TMEM232: variants seen among roughly 807,000 people sequenced by gnomAD.
The protein encoded by TMEM232 is transmembrane protein 232.
Under a neutral mutation model 78.8 loss-of-function variants are expected in TMEM232, and 80 were observed. The observed-to-expected ratio is 1.01, with a 90% CI of 0.85 to 1.22. The LOEUF (loss-of-function observed/expected upper bound fraction) is 1.22, where lower values mean the gene tolerates loss of function less well. TMEM232 is among the 50% of genes most tolerant of loss of function. TMEM232 has a pLI of 0.00. For missense variants in TMEM232, 881 were observed against 742.2 expected (o/e 1.19, Z -2.17); for synonymous variants, 297 against 254.3 (o/e 1.17, Z -1.60).
intron 2 of TMEM232, among the ~76,000 whole-genome samples, chr5:110,652,317 C>CACACACACACAT (rs1788455038): frequency 6.6e-6 from 1 of 152,064 alleles, no homozygotes; most frequent in Non-Finnish European, 1.5e-5. Context: ...CACACACACA[C>CACACACACACAT]ACACTATCCA....
intron 12 of TMEM232, among the ~76,000 whole-genome samples, chr5:110,451,495 T>A (rs1760275292): frequency 6.6e-6 from 1 of 152,108 alleles, no homozygotes; most frequent in African/African-American, 2.4e-5. Flanking sequence ...GTCCTGTGAG[T>A]CTTCCTATTT....
chr5:110,405,961 T>C (rs886652917), intron 2 of TMEM232, among the ~76,000 whole-genome samples: 1 of 151,740 alleles, frequency 6.6e-6, no homozygotes, highest in Non-Finnish European at 1.5e-5. Context: ...AAAACACACA[T>C]AGGCATGTTA....
intron 8 of TMEM232, among the ~76,000 whole-genome samples, chr5:110,613,891 T>A (rs1200310271): frequency 6.6e-6 from 1 of 152,052 alleles, no homozygotes; most frequent in Non-Finnish European, 1.5e-5. Flanking sequence ...GAAAAGTTGA[T>A]TTTAAAATAT....
intron 8 of TMEM232, among the ~76,000 whole-genome samples, chr5:110,613,216 C>T (rs1017358725): frequency 6.6e-6 from 1 of 152,144 alleles, no homozygotes; most frequent in Non-Finnish European, 1.5e-5. Context: ...GTTTTCCAAG[C>T]TCAGCTGAAA....
chr5:110,603,653 A>G (rs1781220688), intron 10 of TMEM232, among the ~76,000 whole-genome samples: 1 of 152,194 alleles, frequency 6.6e-6, no homozygotes. Flanking sequence ...AGAAATGAGT[A>G]CCTTCATTTA....
intron 12 of TMEM232, among the ~76,000 whole-genome samples, chr5:110,425,764 G>C (rs1337849756): frequency 6.6e-6 from 1 of 151,958 alleles, no homozygotes. Flanking sequence ...CTGGATGAAG[G>C]CTTCATGTTC....
intron 12 of TMEM232, among the ~76,000 whole-genome samples, chr5:110,441,667 C>T (rs565951152): frequency 6.6e-6 from 1 of 152,248 alleles, no homozygotes; most frequent in African/African-American, 2.4e-5. Context: ...TAATTCTTGG[C>T]TTTTATGCTG....
intron 12 of TMEM232, among the ~76,000 whole-genome samples, chr5:110,517,327 A>G (rs1768824232): frequency 6.6e-6 from 1 of 152,222 alleles, no homozygotes. Flanking sequence ...TAGACGGAGA[A>G]TCAAGCAAAA....
At chr5:110,614,927 T>G (rs538002475) in intron 8 of TMEM232, among the ~76,000 whole-genome samples, 71 of 152,096 alleles carry the variant, frequency 4.7e-4, no homozygotes, top group African/African-American at 1.4e-3. Context: ...TAAGTAAAAT[T>G]ATATTAAGTG....
chr5:110,624,724 AT>A (rs1284051437), intron 7 of TMEM232, among the ~76,000 whole-genome samples: 1 of 151,980 alleles, frequency 6.6e-6, no homozygotes, highest in African/African-American at 2.4e-5. Context: ...ATGTGTTGGA[AT>A]TTTTTTCTTA....
At chr5:110,547,244 GA>G (rs1278652164) in intron 11 of TMEM232, among the ~76,000 whole-genome samples, 1 of 152,046 alleles carries the variant, frequency 6.6e-6, no homozygotes, top group African/African-American at 2.4e-5. Context: ...ACTTCCTTAA[GA>G]AAGCAGCTTT....
At chr5:110,565,581 A>G (rs918717263) in intron 11 of TMEM232, among the ~76,000 whole-genome samples, 2 of 151,998 alleles carry the variant, frequency 1.3e-5, no homozygotes, top group African/African-American at 4.8e-5. Context: ...ACTTGTTCCA[A>G]GTCCCATCTG....
At chr5:110,488,814 C>T (rs1352502902) in intron 12 of TMEM232, among the ~76,000 whole-genome samples, 1 of 151,856 alleles carries the variant, frequency 6.6e-6, no homozygotes, top group African/African-American at 2.4e-5. Context: ...CCTTTAGCTA[C>T]ATTAACCTAG....
At chr5:110,506,581 T>C (rs1184503867) in intron 12 of TMEM232, among the ~76,000 whole-genome samples, 1 of 152,200 alleles carries the variant, frequency 6.6e-6, no homozygotes, top group Non-Finnish European at 1.5e-5. Context: ...TTTGGCTGTC[T>C]ACATCAATCA....
At chr5:110,554,479 G>C (rs1581193317) in intron 11 of TMEM232, among the ~76,000 whole-genome samples, 1 of 152,056 alleles carries the variant, frequency 6.6e-6, no homozygotes, top group South Asian at 2.1e-4. Flanking sequence ...TATTCCATTA[G>C]GTCTTTCCCT....
chr5:110,711,111 A>G (rs1288202471), intron 1 of TMEM232, among the ~76,000 whole-genome samples: 1 of 152,216 alleles, frequency 6.6e-6, no homozygotes, highest in Non-Finnish European at 1.5e-5. Flanking sequence ...GCATTTCAAT[A>G]TGCCAACAGT....
At chr5:110,591,139 G>A in intron 10 of TMEM232, among the ~76,000 whole-genome samples, 1 of 152,072 alleles carries the variant, frequency 6.6e-6, no homozygotes, top group East Asian at 1.9e-4. Flanking sequence ...TGTAATAAAG[G>A]CTTTATGTAA....
At chr5:110,457,777 T>C (rs1336809349) in intron 12 of TMEM232, among the ~76,000 whole-genome samples, 1 of 152,036 alleles carries the variant, frequency 6.6e-6, no homozygotes, top group Non-Finnish European at 1.5e-5. Flanking sequence ...TGCTATAAGA[T>C]AAAATGGAAT....
intron 12 of TMEM232, among the ~76,000 whole-genome samples, chr5:110,431,491 A>G (rs1438768296): frequency 1.3e-5 from 2 of 151,904 alleles, no homozygotes; most frequent in Non-Finnish European, 3.0e-5. Context: ...TCTGCTGTAC[A>G]TAGTATGAAC....
Sources: allele counts gnomAD v4.1 joint callset (sites outside exome capture counted in the v4.1 genomes callset), GRCh38; gene constraint gnomAD v4.1.1; transcripts MANE v1.5; gene names NCBI Gene and HGNC (gene_info 2026-07-23, HGNC 2026-07-21).